Variants in MIER3 observed in about 807,000 individuals in gnomAD.
MIER3 encodes the protein mesoderm induction early response protein 3.
MIER3 carries 9 observed loss-of-function variants against 63.2 expected under a neutral mutation model. The ratio of observed to expected loss-of-function variants is 0.14; its 90% CI spans 0.09 to 0.25. MIER3 has a LOEUF of 0.25. MIER3 is among the 10% of genes least tolerant of loss of function. The pLI is 1.00. For missense variants in MIER3, 512 were observed against 666.2 expected, an observed-to-expected ratio of 0.77 and a Z score of 2.55; for synonymous variants, 205 against 224.9, an observed-to-expected ratio of 0.91 and a Z score of 0.79.
intron 10 of MIER3, among the ~76,000 whole-genome samples, chr5:56,927,097 G>T (rs1310133468): frequency 6.6e-6 from 1 of 150,642 alleles, no homozygotes; most frequent in Non-Finnish European, 1.5e-5. Flanking sequence ...GGAGGGGGAA[G>T]GGACAGAGGG....
intron 3 of MIER3, among the ~76,000 whole-genome samples, chr5:56,940,670 A>G (rs1219738636): frequency 1.3e-5 from 2 of 152,252 alleles, no homozygotes; most frequent in Non-Finnish European, 2.9e-5. Flanking sequence ...AAATCAACCA[A>G]AAGTCCTCTG....
At chr5:56,928,712 G>A in intron 10 of MIER3, 55 bp downstream of exon 10, 1 of 1,241,588 alleles carries the variant, frequency 8.1e-7, no homozygotes, top group Non-Finnish European at 1.2e-6. Flanking sequence ...TTATAAATTA[G>A]TTGCTTACAT....
chr5:56,935,066 A>T (rs2112112088), intron 7 of MIER3, among the ~76,000 whole-genome samples: 1 of 152,282 alleles, frequency 6.6e-6, no homozygotes, highest in African/African-American at 2.4e-5. Flanking sequence ...TTCTTTCCAG[A>T]AGATTATATC....
chr5:56,924,571 C>T (rs1034516060), intron 10 of MIER3, among the ~76,000 whole-genome samples: 2 of 152,204 alleles, frequency 1.3e-5, no homozygotes, highest in African/African-American at 2.4e-5. Flanking sequence ...AATGGACCAA[C>T]GGTCTACAGC....
intron 5 of MIER3, 137 bp downstream of exon 5, chr5:56,937,441 G>T (rs1226598937): frequency 6.1e-5 from 54 of 879,454 alleles, no homozygotes; most frequent in Non-Finnish European, 8.3e-5. Flanking sequence ...TTATAATCTT[G>T]TTTAAATTAT....
chr5:56,952,195 C>G, upstream of MIER3: 1 of 1,057,690 alleles, frequency 9.5e-7, no homozygotes, highest in Non-Finnish European at 1.2e-6. Flanking sequence ...CCGCCGCGGT[C>G]CGCCCGGCAC....
At chr5:56,929,127 T>A in intron 9 of MIER3, 2 of 296,354 alleles carry the variant, frequency 6.7e-6, no homozygotes, top group Non-Finnish European at 1.2e-5. Context: ...CACTACATTA[T>A]GGGATGAGAA....
intron 10 of MIER3, chr5:56,925,501 A>G (rs702679): frequency 0.54 from 138,275 of 255,178 alleles, 40,581 homozygotes; most frequent in Non-Finnish European, 0.65. Flanking sequence ...ACACAAGACC[A>G]TTTACATTAG....
Position 56,946,938 on chromosome 5 carries a change from T to C in MIER3, c.168A>G (p.Glu56=), listed in dbSNP as rs1402590839. 17 of 1,583,354 alleles carry C rather than the reference T, an allele frequency of 1.1e-5. No individual in the cohort carries two copies. The highest frequency in any genetic ancestry group is 1.4e-5 in the Non-Finnish European group (16 of 1,167,748). The change falls in exon 3 of 13, where the codon GAA becomes GAG. Residue 56 remains glutamate (E), a synonymous_variant. Coordinates refer to ENST00000381199, the MANE Select transcript of MIER3 (RefSeq NM_001297599.2). Reference sequence around the variant, plus strand: ...GTAAATCTTATACCTTTTCTAAGTCTTCAATTTCTGAACTGAAGTTTTTAC... The same window carrying C: ...GTAAATCTTATACCTTTTCTAAGTCCTCAATTTCTGAACTGAAGTTTTTAC... ...DEGKNFSSEI[E]DLEKEGTMPL...
chr5:56,938,453 C>T (rs567703461), intron 4 of MIER3: 71 of 454,238 alleles, frequency 1.6e-4, no homozygotes, highest in African/African-American at 6.0e-4. Context: ...GATGGATCAC[C>T]GCGGTCTTGG....
At chr5:56,929,077 T>C (rs1750156282) in intron 9 of MIER3, 1 of 418,416 alleles carries the variant, frequency 2.4e-6, no homozygotes, top group Admixed American at 4.1e-5. Context: ...ATACTACAGT[T>C]CAAGTCTAGA....
Position 56,923,830 on chromosome 5 carries a change from G to C in MIER3, c.1056C>G (p.Asp352Glu). ...TTTCATCTACTAAACGATCCATATA[G>C]TCCCTGAAAAACACACCCCAGTAAT... ...KRYNHHPGVTDYMDRLVDETE... is the reference protein window; with the variant it reads ...KRYNHHPGVTEYMDRLVDETE... Residue 352 changes from aspartate (D) to glutamate (E), a missense_variant, in exon 12 of 13, where the codon GAC (aspartate) becomes GAG (glutamate). Asp to Glu is a conservative substitution (Grantham distance 45). Transcript: ENST00000381199. The C allele has an allele frequency of 6.2e-7, 1 of 1,614,078 alleles. No individual in the cohort carries two copies. Among genetic ancestry groups the C allele is most frequent in the Non-Finnish European group, 8.5e-7 (1 of 1,180,000 alleles).
At position 56,921,381 on chromosome 5, in the gene MIER3, CT is replaced by C. The variant is rs1340935039; in HGVS notation, c.*1746del. The stretch of plus-strand genomic sequence containing the variant: ...ACAAGAAAGTAACACAGAGCCCAGG[CT>C]ACCCATTATTTACTGTGTGCATACA... On this transcript the variant is annotated 3_prime_UTR_variant, in exon 13 of 13. Transcript: ENST00000381199. 6.6e-6 allele frequency: 1 copy of C among 152,368 alleles called. No individual in the cohort carries two copies. Among genetic ancestry groups the C allele is most frequent in the African/African-American group, 2.4e-5 (1 of 41,446 alleles). The allele number at this position is 152,368 out of a possible 1,614,324, so 9.4% of individuals were successfully genotyped here.
Position 56,920,813 on chromosome 5 carries a change from T to C in MIER3, c.*2315A>G, listed in dbSNP as rs183239287. On this transcript the variant is annotated 3_prime_UTR_variant, in exon 13 of 13. Transcript: ENST00000381199. ...AAAAGATATGAAGAATTTACACTTA[T>C]ATACAAAAATCTTGCAAATTATTGC... The C allele has an allele frequency of 1.3e-5, 2 of 152,546 alleles. No homozygotes were observed. Among genetic ancestry groups the C allele is most frequent in the Admixed American group, 1.3e-4 (2 of 15,306 alleles). 9.4% of individuals were successfully genotyped at this position (152,546 alleles called of 1,614,324 possible).
In MIER3 at chr5:56,923,055, A is replaced by C. The variant is rs1311731155; in HGVS notation, c.*73T>G. 1.8e-5 allele frequency: 24 copies of C among 1,299,252 alleles called. No individual in the cohort carries two copies. The highest frequency in any genetic ancestry group is 2.5e-4 in the Middle Eastern group (1 of 4,058). The allele number at this position is 1,299,252 out of a possible 1,614,324, so 80.5% of individuals were successfully genotyped here. A position where few individuals can be genotyped will look rare whatever the true frequency, so the allele number is the denominator to read the frequency against. Reference sequence around the variant, plus strand: ...GAGAAAGGTTCAAACTTCCAGTGAAAGACTATGCAAACCTGATAGCTCCCC... The same window carrying C: ...GAGAAAGGTTCAAACTTCCAGTGAACGACTATGCAAACCTGATAGCTCCCC... On this transcript the variant is annotated 3_prime_UTR_variant, in exon 13 of 13. Transcript: ENST00000381199.
At chr5:56,928,474 G>A (rs1579840365) in intron 10 of MIER3, 1 of 206,806 alleles carries the variant, frequency 4.8e-6, no homozygotes, top group East Asian at 1.1e-4. Flanking sequence ...ACCTCTGAAT[G>A]GCTTGATAAG....
chr5:56,940,050 C>T (rs767544824), intron 3 of MIER3, among the ~76,000 whole-genome samples: 1 of 152,150 alleles, frequency 6.6e-6, no homozygotes, highest in Non-Finnish European at 1.5e-5. Context: ...TCATTCAAGG[C>T]CAGTCGCAGT....
chr5:56,950,081 T>A (rs1031645657), intron 2 of MIER3, among the ~76,000 whole-genome samples: 1 of 152,200 alleles, frequency 6.6e-6, no homozygotes, highest in Non-Finnish European at 1.5e-5. Flanking sequence ...TCGTCTCAGC[T>A]CAGAAGTCAA....
intron 5 of MIER3, among the ~76,000 whole-genome samples, chr5:56,937,101 ATCTC>A (rs1195598124): frequency 9.3e-5 from 14 of 151,106 alleles, no homozygotes; most frequent in Middle Eastern, 3.2e-3. Context: ...TTGAGACAGA[ATCTC>A]TCTCTGTCAC....
Sources: gnomAD v4.1 joint callset for allele counts (sites outside exome capture counted in the v4.1 genomes callset) on GRCh38, gnomAD v4.1.1 for gene constraint, MANE v1.5 for transcripts, NCBI Gene and HGNC (gene_info 2026-07-23, HGNC 2026-07-21) for gene names.